TPTE: variants seen among roughly 807,000 people sequenced by gnomAD.
TPTE encodes the protein putative tyrosine-protein phosphatase TPTE.
TPTE carries 59 observed loss-of-function variants against 84.1 expected under a neutral mutation model. The observed-to-expected ratio is 0.70, with a 90% confidence interval of 0.57 to 0.87. The LOEUF is 0.87. Ranked by LOEUF, TPTE falls within the 40% of genes least tolerant of loss-of-function variation. The pLI is 0.00. For synonymous variants in TPTE, 130 were observed against 223.5 expected, an observed-to-expected ratio of 0.58 and a Z score of 3.73; for missense variants, 382 against 659.6, an observed-to-expected ratio of 0.58 and a Z score of 4.61.
chr21:10,542,416 A>G lies in TPTE; in HGVS notation c.87A>G (p.Lys29=). ...PNDSPQTSEF[K]GATEEAPAKE... ...CTAGTCCACAGACAAGTGAATTTAA[A>G]GGAGCAACCGAGGAGGCACCTGCGA... The change falls in exon 6 of 24, where the codon AAA becomes AAG. Residue 29 remains lysine, a synonymous_variant. Transcript: ENST00000618007. The G allele has an allele frequency of 1.2e-6, 2 of 1,611,868 alleles. No individual in the cohort carries two copies. Among genetic ancestry groups the G allele is most frequent in the South Asian group, 2.2e-5 (2 of 91,064 alleles).
intron 21 of TPTE, 127 bp downstream of exon 21, chr21:10,598,221 A>T (rs1213711757): frequency 7.0e-7 from 1 of 1,419,500 alleles, no homozygotes; most frequent in Non-Finnish European, 9.7e-7. Flanking sequence ...TCTGGTTACC[A>T]TCCAACTTGG....
At chr21:10,565,904 A>G (rs1438684682) in intron 10 of TPTE, among the ~76,000 whole-genome samples, 1 of 152,312 alleles carries the variant, frequency 6.6e-6, no homozygotes, top group Non-Finnish European at 1.5e-5. Flanking sequence ...AAACAACTAT[A>G]CTACAAGAGA....
At chr21:10,587,480 T>C (rs1414555275) in intron 17 of TPTE, among the ~76,000 whole-genome samples, 1 of 152,422 alleles carries the variant, frequency 6.6e-6, no homozygotes, top group African/African-American at 2.4e-5. Flanking sequence ...TTTGGTTTTT[T>C]GTTCCTGCAT....
chr21:10,538,038 T>C (rs1314486593), intron 3 of TPTE, among the ~76,000 whole-genome samples: 1 of 152,312 alleles, frequency 6.6e-6, no homozygotes, highest in Non-Finnish European at 1.5e-5. Context: ...AAAACTAATT[T>C]TCAGACTGCC....
chr21:10,534,548 T>C (rs973132391), intron 3 of TPTE, among the ~76,000 whole-genome samples: 3 of 152,430 alleles, frequency 2.0e-5, no homozygotes, highest in African/African-American at 4.8e-5. Context: ...TATTTGATTA[T>C]GTACAATTTA....
intron 8 of TPTE, among the ~76,000 whole-genome samples, chr21:10,558,814 A>T (rs1183217355): frequency 6.6e-6 from 1 of 152,266 alleles, no homozygotes; most frequent in Admixed American, 6.5e-5. Flanking sequence ...GGACAAAAAA[A>T]ATTGTTCCTC....
At chr21:10,542,494 A>C in intron 6 of TPTE, 46 bp downstream of exon 6, 1 of 1,602,598 alleles carries the variant, frequency 6.2e-7, no homozygotes, top group Non-Finnish European at 8.5e-7. Flanking sequence ...AAGTGTGCAT[A>C]GAACTATACA....
At chr21:10,530,941 C>A in intron 3 of TPTE, among the ~76,000 whole-genome samples, 1 of 152,426 alleles carries the variant, frequency 6.6e-6, no homozygotes. Context: ...GTTCTTATAG[C>A]ATTTGGGATT....
At chr21:10,597,128 C>G (rs1388896281) in intron 20 of TPTE, among the ~76,000 whole-genome samples, 2 of 152,310 alleles carry the variant, frequency 1.3e-5, no homozygotes, top group African/African-American at 4.8e-5. Flanking sequence ...GAAACCAAGT[C>G]TTTGAGGAAA....
chr21:10,539,974 A>G (rs1321508642), intron 4 of TPTE, among the ~76,000 whole-genome samples: 1 of 152,306 alleles, frequency 6.6e-6, no homozygotes, highest in African/African-American at 2.4e-5. Flanking sequence ...ATGCCACTGC[A>G]CTCCAGCTTG....
intron 4 of TPTE, 27 bp from the exon 5 acceptor site, chr21:10,541,085 C>T (rs2074360644): frequency 6.2e-7 from 1 of 1,612,510 alleles, no homozygotes; most frequent in Non-Finnish European, 8.5e-7. Flanking sequence ...CGCATTGGGT[C>T]TGACTCTGAC....
At chr21:10,586,034 G>C (rs1332169437) in intron 17 of TPTE, among the ~76,000 whole-genome samples, 5 of 152,294 alleles carry the variant, frequency 3.3e-5, no homozygotes, top group African/African-American at 1.2e-4. Context: ...CAAGTTTTTG[G>C]CCTATTTGTG....
intron 21 of TPTE, among the ~76,000 whole-genome samples, chr21:10,599,396 T>TGC (rs1456855623): frequency 7.6e-4 from 116 of 151,930 alleles, no homozygotes; most frequent in African/African-American, 2.8e-3. Flanking sequence ...CATTCTGAAA[T>TGC]ATTGCTCTCG....
At chr21:10,559,576 A>T (rs761915276) in intron 9 of TPTE, 32 bp downstream of exon 9, 2 of 1,611,844 alleles carry the variant, frequency 1.2e-6, no homozygotes, top group Non-Finnish European at 1.7e-6. Context: ...CCATGTATTA[A>T]ATATATCTGA....
chr21:10,578,927 A>G (rs1741282651), intron 17 of TPTE, among the ~76,000 whole-genome samples: 1 of 152,308 alleles, frequency 6.6e-6, no homozygotes, highest in African/African-American at 2.4e-5. Flanking sequence ...AACAGTCTTT[A>G]ATTTTAGAAT....
intron 20 of TPTE, 94 bp from the exon 21 acceptor site, chr21:10,597,920 AT>A (rs1302555689): frequency 2.0e-6 from 3 of 1,485,400 alleles, no homozygotes; most frequent in East Asian, 4.6e-5. Flanking sequence ...AGCTTGGATA[AT>A]TTTTTCTCAT....
At position 10,558,407 on chromosome 21, in the gene TPTE, C is replaced by T. The variant is rs537580291; in HGVS notation, c.234-1087C>T. Among the ~76,000 whole-genome samples, 16 of 152,410 alleles carry T rather than the reference C, an allele frequency of 1.0e-4. No homozygotes were observed. In the East Asian group the frequency reaches 1.5e-3, roughly 15 times the overall value. Reference sequence around the variant, plus strand: ...GTTCCCTTTTCTCTGCAACCTTGCCCGCATCTGTTATTTTTTGACTTTTTA... The same window carrying T: ...GTTCCCTTTTCTCTGCAACCTTGCCTGCATCTGTTATTTTTTGACTTTTTA... On this transcript the variant is annotated intron_variant, in intron 8 of 23. Coordinates refer to ENST00000618007, the MANE Select transcript of TPTE (RefSeq NM_199261.4).
In TPTE at chr21:10,582,190, A is replaced by G. The variant is rs544681983; in HGVS notation, c.1027+3585A>G. 1.0e-3 allele frequency among the ~76,000 whole-genome samples: 156 copies of G among 152,116 alleles called. No homozygotes were observed. In the South Asian group the frequency reaches 0.015, roughly 14 times the overall value. On this transcript the variant is annotated intron_variant, in intron 17 of 23. Transcript: ENST00000618007. ...AAAATATTCAAGTTCCATTTTCAAT[A>G]TTTGGGTCTTTAATCTAATTGGAAG...
intron 3 of TPTE, among the ~76,000 whole-genome samples, chr21:10,533,406 AG>A (rs1323896012): frequency 1.3e-5 from 2 of 152,310 alleles, no homozygotes; most frequent in Non-Finnish European, 2.9e-5. Context: ...AGTGTGTTCC[AG>A]TAGTTTTGCT....
Sources: allele counts gnomAD v4.1 joint callset (sites outside exome capture counted in the v4.1 genomes callset), GRCh38; gene constraint gnomAD v4.1.1; transcripts MANE v1.5; gene names NCBI Gene and HGNC (gene_info 2026-07-23, HGNC 2026-07-21).